Variants in BCAS3 observed in about 807,000 individuals in gnomAD.
BCAS3 encodes BCAS3 microtubule associated cell migration factor, also known as BCAS4/BCAS3 fusion.
BCAS3 carries 53 observed loss-of-function variants against 116.1 expected under a neutral mutation model. The ratio of observed to expected loss-of-function variants is 0.46; its 90% CI spans 0.37 to 0.57. BCAS3 has a LOEUF of 0.57. Among genes scored for constraint, BCAS3 ranks in the 20% least tolerant of loss-of-function variants. The pLI is 0.00. For missense variants in BCAS3, 917 were observed against 1,165.4 expected (o/e 0.79, Z 3.10); for synonymous variants, 391 against 408.2 (o/e 0.96, Z 0.51).
At chr17:60,727,762 C>T (rs533977000) in intron 5 of BCAS3, among the ~76,000 whole-genome samples, 2 of 151,978 alleles carry the variant, frequency 1.3e-5, no homozygotes, top group African/African-American at 4.8e-5. Context: ...TTGTTACCCA[C>T]AGTCCATAGC....
chr17:61,133,024 C>G (rs2191166), intron 22 of BCAS3, among the ~76,000 whole-genome samples: 1 of 152,136 alleles, frequency 6.6e-6, no homozygotes, highest in African/African-American at 2.4e-5. Flanking sequence ...AATTTTAAAT[C>G]TAATCCAATC....
At chr17:61,043,621 A>G (rs934286034) in intron 19 of BCAS3, among the ~76,000 whole-genome samples, 1 of 151,918 alleles carries the variant, frequency 6.6e-6, no homozygotes, top group African/African-American at 2.4e-5. Context: ...TGTTAGGTTA[A>G]TTGGCATGGC....
chr17:61,079,740 C>T (rs145566825), intron 21 of BCAS3, among the ~76,000 whole-genome samples: 2,594 of 151,980 alleles, frequency 0.017, 35 homozygotes, highest in South Asian at 0.045. Context: ...GGATGACAGG[C>T]GCCCGCCACC....
At position 61,251,648 on chromosome 17, in the gene BCAS3, T is replaced by A. The variant is rs2048380193; in HGVS notation, c.2426-116679T>A. On this transcript the variant is annotated intron_variant, in intron 22 of 23. Coordinates refer to ENST00000407086, the MANE Select transcript of BCAS3 (RefSeq NM_017679.5). The surrounding 1 kb of genome is among the most constrained non-coding windows in gnomAD (Gnocchi z 4.7). ...CCCTTGAGACCTCTGGGTTGATGAC[T>A]GATATGTTGGTCTCTTGGGACAAGG... is the stretch of plus-strand genomic sequence containing the variant. Among the ~76,000 whole-genome samples, 1 of 151,994 alleles carries A rather than the reference T, an allele frequency of 6.6e-6. No homozygotes were observed. Among genetic ancestry groups the A allele is most frequent in the African/African-American group, 2.4e-5 (1 of 41,364 alleles).
At chr17:60,940,607 A>G (rs954998279) in intron 13 of BCAS3, among the ~76,000 whole-genome samples, 2 of 152,214 alleles carry the variant, frequency 1.3e-5, no homozygotes, top group African/African-American at 4.8e-5. Context: ...TTGGCTATTA[A>G]CTTTTCTAAA....
intron 22 of BCAS3, among the ~76,000 whole-genome samples, chr17:61,170,456 C>T (rs1421796415): frequency 1.3e-5 from 2 of 151,870 alleles, no homozygotes; most frequent in African/African-American, 4.8e-5. Context: ...CCACGCCCGG[C>T]TAATTTTTTG....
At chr17:60,924,049 C>G in intron 12 of BCAS3, among the ~76,000 whole-genome samples, 1 of 152,116 alleles carries the variant, frequency 6.6e-6, no homozygotes, top group East Asian at 1.9e-4. Flanking sequence ...ACAGTAAGAC[C>G]TGTATTTCCT....
At position 61,261,015 on chromosome 17, in the gene BCAS3, G is replaced by C. The variant is rs1362221014; in HGVS notation, c.2426-107312G>C. Among the ~76,000 whole-genome samples the C allele has an allele frequency of 6.6e-6, 1 of 152,158 alleles. No individual in the cohort carries two copies. The highest frequency in any genetic ancestry group is 2.4e-5 in the African/African-American group (1 of 41,430). ...TCTAGGAGGCAGACATGGTGAAAAGGGTGTGGGAAGAAATTATTTAAAGGG... is the reference window on the plus strand; with the variant it reads ...TCTAGGAGGCAGACATGGTGAAAAGCGTGTGGGAAGAAATTATTTAAAGGG... On this transcript the variant is annotated intron_variant, in intron 22 of 23. Transcript: ENST00000407086. The surrounding 1 kb of genome is among the most constrained non-coding windows in gnomAD (Gnocchi z 4.4).
At chr17:60,861,422 C>T (rs771212776) in intron 7 of BCAS3, among the ~76,000 whole-genome samples, 4 of 152,178 alleles carry the variant, frequency 2.6e-5, no homozygotes, top group Non-Finnish European at 5.9e-5. Context: ...GGTATTGAAT[C>T]ATATCATCTG....
intron 4 of BCAS3, among the ~76,000 whole-genome samples, chr17:60,702,087 TAC>T (rs928214871): frequency 1.3e-5 from 2 of 152,212 alleles, no homozygotes; most frequent in Non-Finnish European, 2.9e-5. Context: ...TATCAAAATG[TAC>T]ACACACACTT....
intron 6 of BCAS3, among the ~76,000 whole-genome samples, chr17:60,775,413 G>A (rs2045180459): frequency 6.6e-6 from 1 of 151,958 alleles, no homozygotes; most frequent in African/African-American, 2.4e-5. Flanking sequence ...GATGCTTTTA[G>A]TCTTAACAAC....
rs995606265 is a variant in BCAS3 at position 61,063,487 on chromosome 17, C to G, written c.2030-11433C>G. On this transcript the variant is annotated intron_variant, in intron 19 of 23. Transcript: ENST00000407086. The surrounding 1 kb of genome is among the most constrained non-coding windows in gnomAD (Gnocchi z 5.3). ...GTTTCACCATGTTAGCCAGGATGGT[C>G]TCGATCTCTTGATCTCGTGATCCGC... 2.0e-5 allele frequency among the ~76,000 whole-genome samples: 3 copies of G among 152,072 alleles called. No individual in the cohort carries two copies. Among genetic ancestry groups the G allele is most frequent in the Non-Finnish European group, 4.4e-5 (3 of 68,006 alleles).
At chr17:61,294,201 C>T (rs2052687950) in intron 22 of BCAS3, among the ~76,000 whole-genome samples, 1 of 152,126 alleles carries the variant, frequency 6.6e-6, no homozygotes, top group African/African-American at 2.4e-5. Flanking sequence ...TGTAGTTAAA[C>T]TTATAATGGA....
intron 8 of BCAS3, among the ~76,000 whole-genome samples, chr17:60,871,052 C>T (rs2055057423): frequency 6.6e-6 from 1 of 152,130 alleles, no homozygotes; most frequent in African/African-American, 2.4e-5. Context: ...GTCATTTGTC[C>T]ATTAAGTCTT....
In BCAS3 at chr17:61,241,556, A is replaced by G. The variant is rs903744992; in HGVS notation, c.2426-126771A>G. Among the ~76,000 whole-genome samples the G allele has an allele frequency of 2.6e-5, 4 of 151,790 alleles. No individual in the cohort carries two copies. The highest frequency in any genetic ancestry group is 5.9e-5 in the Non-Finnish European group (4 of 67,968). ...GAAACCCCACCTCTACTAAAAAAAA[A>G]TTACAAAAAAAAATTAGCCGGCCGT... On this transcript the variant is annotated intron_variant, in intron 22 of 23. Coordinates refer to ENST00000407086, the MANE Select transcript of BCAS3 (RefSeq NM_017679.5). The surrounding 1 kb of genome is among the most constrained non-coding windows in gnomAD (Gnocchi z 4.6).
intron 6 of BCAS3, among the ~76,000 whole-genome samples, chr17:60,795,855 A>G (rs1347492740): frequency 6.6e-6 from 1 of 151,876 alleles, no homozygotes; most frequent in Non-Finnish European, 1.5e-5. Flanking sequence ...ACACCTGGCT[A>G]ATTTTTGTGT....
In BCAS3 at chr17:61,186,294, T is replaced by C. The variant is rs1601792273; in HGVS notation, c.2425+101730T>C. Among the ~76,000 whole-genome samples, 1 of 152,212 alleles carries C rather than the reference T, an allele frequency of 6.6e-6. No homozygotes were observed. The highest frequency in any genetic ancestry group is 1.9e-4 in the East Asian group (1 of 5,194). On this transcript the variant is annotated intron_variant, in intron 22 of 23. Transcript: ENST00000407086. The surrounding 1 kb of genome is among the most constrained non-coding windows in gnomAD (Gnocchi z 4.9). ...ATTTTTAACCCATATGTTAAGGTTG[T>C]CTTTATTACAGTTAGTTATCCATCC... is the stretch of plus-strand genomic sequence containing the variant.
At position 60,964,055 on chromosome 17, in the gene BCAS3, G is replaced by A. The variant is rs893958131; in HGVS notation, c.1221+16703G>A. ...TTCTCTTGCCTAATTGCTCTGGCCA[G>A]GACTGGCAGTATTATGTTGAGTAAC... On this transcript the variant is annotated intron_variant, in intron 14 of 23. Coordinates refer to ENST00000407086, the MANE Select transcript of BCAS3 (RefSeq NM_017679.5). The surrounding 1 kb of genome is among the most constrained non-coding windows in gnomAD (Gnocchi z 4.6). Among the ~76,000 whole-genome samples the A allele has an allele frequency of 2.3e-4, 35 of 152,164 alleles. No individual in the cohort carries two copies. Among genetic ancestry groups the A allele is most frequent in the Non-Finnish European group, 4.9e-4 (33 of 68,026 alleles).
At chr17:60,988,249 A>C (rs1202888031) in intron 14 of BCAS3, among the ~76,000 whole-genome samples, 4 of 150,730 alleles carry the variant, frequency 2.7e-5, no homozygotes, top group Non-Finnish European at 4.4e-5. Flanking sequence ...TTTTACATCA[A>C]TGTTCACCTG....
Sources: gnomAD v4.1 joint callset for allele counts (sites outside exome capture counted in the v4.1 genomes callset) on GRCh38, gnomAD v4.1.1 for gene constraint, Gnocchi (gnomAD v3.1) non-coding constraint, MANE v1.5 for transcripts, NCBI Gene and HGNC (gene_info 2026-07-23, HGNC 2026-07-21) for gene names.